The following TUBGCP3 variants were observed in gnomAD, a reference collection of about 807,000 sequenced individuals.
The protein encoded by TUBGCP3 is gamma-tubulin complex component 3.
TUBGCP3 carries 50 observed loss-of-function variants against 123.1 expected under a neutral mutation model. That is an observed-to-expected ratio of 0.41 (90% CI 0.32 to 0.51). The LOEUF is 0.51. Ranked by LOEUF, TUBGCP3 falls within the 20% of genes least tolerant of loss-of-function variation. The pLI is 0.36. For missense variants in TUBGCP3, 882 were observed against 1,127.0 expected (o/e 0.78, Z 3.11); for synonymous variants, 405 against 413.9 (o/e 0.98, Z 0.26).
At chr13:112,515,514 G>A (rs926297467) in intron 17 of TUBGCP3, among the ~76,000 whole-genome samples, 4 of 152,188 alleles carry the variant, frequency 2.6e-5, no homozygotes, top group African/African-American at 4.8e-5. Flanking sequence ...GACCCGCAGA[G>A]CCCCAGGCGT....
At chr13:112,513,751 G>GAA (rs1875835003) in intron 17 of TUBGCP3, among the ~76,000 whole-genome samples, 1 of 152,124 alleles carries the variant, frequency 6.6e-6, no homozygotes, top group South Asian at 2.1e-4. Flanking sequence ...TAAGAACACT[G>GAA]ACACCCCAAC....
intron 1 of TUBGCP3, among the ~76,000 whole-genome samples, chr13:112,580,598 T>C (rs1301670783): frequency 6.6e-6 from 1 of 152,232 alleles, no homozygotes; most frequent in Non-Finnish European, 1.5e-5. Context: ...AGACACATTA[T>C]TGCAAAATTT....
At chr13:112,546,686 A>C in intron 10 of TUBGCP3, 1 of 152,506 alleles carries the variant, frequency 6.6e-6, no homozygotes, top group Non-Finnish European at 1.5e-5. Context: ...AAGACAGTGA[A>C]GGACCCCAGG....
the TUBGCP3 span, among the ~76,000 whole-genome samples, chr13:112,596,317 CTTT>C: frequency 6.6e-6 from 1 of 152,238 alleles, no homozygotes; most frequent in Admixed American, 6.5e-5. Context: ...GCAGCAAATT[CTTT>C]TTGTTTTCCT....
intron 17 of TUBGCP3, 43 bp downstream of exon 17, chr13:112,516,397 C>T (rs1291768815): frequency 7.9e-6 from 12 of 1,520,150 alleles, no homozygotes; most frequent in African/African-American, 1.4e-5. Context: ...GGCTGGAGGC[C>T]GCTGGGAGTG....
Position 112,519,895 on chromosome 13 carries a change from C to T in TUBGCP3, c.1872G>A (p.Arg624=). The change falls in exon 15 of 22, where the codon CGG becomes CGA. Residue 624 remains arginine, a synonymous_variant. Coordinates refer to ENST00000261965, the MANE Select transcript of TUBGCP3 (RefSeq NM_006322.6). This position sits in a 1 kb window ranked among gnomAD's most constrained non-coding sequence, Gnocchi z 6.2. ...SPEILRRLDV[R]LLEVSPGDTG... is the part of the protein sequence containing the mutation. ...CGCAGAGCCGCAGTACCTCCAGCAG[C>T]CGCACGTCCAGCCTTCGCAGGATCT... 1 of 1,613,312 alleles carries T rather than the reference C, an allele frequency of 6.2e-7. No individual in the cohort carries two copies. The highest frequency in any genetic ancestry group is 1.7e-5 in the Admixed American group (1 of 59,942).
chr13:112,485,088 A>G lies in TUBGCP3; in HGVS notation c.*905T>C, dbSNP rs553307888. On this transcript the variant is annotated 3_prime_UTR_variant, in exon 22 of 22. Transcript: ENST00000261965. ...CAGATTTATGTGACCTGATAATGAC[A>G]TTTTTACAAAAAACAATCCCCCCCA... 3 of 152,714 alleles carry G rather than the reference A, an allele frequency of 2.0e-5. No homozygotes were observed. The highest frequency in any genetic ancestry group is 7.2e-5 in the African/African-American group (3 of 41,554). 9.5% of individuals were successfully genotyped at this position (152,714 alleles called of 1,614,324 possible).
chr13:112,516,353 T>C (rs2139047610), intron 17 of TUBGCP3, 87 bp downstream of exon 17: 3 of 1,384,516 alleles, frequency 2.2e-6, no homozygotes, highest in African/African-American at 2.9e-5. Flanking sequence ...CTACCTTAAC[T>C]TCTGCGGAGT....
chr13:112,512,034 T>C (rs1881703693), intron 17 of TUBGCP3, among the ~76,000 whole-genome samples: 1 of 152,246 alleles, frequency 6.6e-6, no homozygotes, highest in African/African-American at 2.4e-5. Context: ...TCATTACATT[T>C]TAGACAAGAA....
chr13:112,553,711 G>C (rs1047219114), intron 8 of TUBGCP3, among the ~76,000 whole-genome samples: 2 of 152,208 alleles, frequency 1.3e-5, no homozygotes. Context: ...CCCCGTCCCA[G>C]CAGGGCCCCT....
At chr13:112,551,196 T>C (rs1013387633) in intron 8 of TUBGCP3, among the ~76,000 whole-genome samples, 3 of 152,232 alleles carry the variant, frequency 2.0e-5, no homozygotes, top group Admixed American at 6.5e-5. Flanking sequence ...GTGAGTCAGC[T>C]TCTGAGAAGT....
At chr13:112,496,428 G>A (rs540784957) in intron 20 of TUBGCP3, among the ~76,000 whole-genome samples, 2 of 152,242 alleles carry the variant, frequency 1.3e-5, no homozygotes, top group Non-Finnish European at 2.9e-5. Context: ...GAGGCGACTT[G>A]CATGATCTCT....
intron 10 of TUBGCP3, chr13:112,547,396 T>C (rs1209162318): frequency 8.8e-6 from 6 of 683,160 alleles, no homozygotes; most frequent in African/African-American, 1.8e-5. Flanking sequence ...CATCTGTCGA[T>C]TCCTATCGAA....
Position 112,522,420 on chromosome 13 carries a change from G to T in TUBGCP3, c.1645C>A (p.Leu549Ile), listed in dbSNP as rs763339610. The T allele has an allele frequency of 5.6e-6, 9 of 1,614,106 alleles. No individual in the cohort carries two copies. The South Asian group carries it at 9.9e-5, about 18-fold the overall frequency. Residue 549 changes from leucine to isoleucine, a missense_variant, in exon 14 of 22, where the codon CTC (leucine) becomes ATC (isoleucine). Leu to Ile is a conservative substitution (Grantham distance 5, BLOSUM62 2). Transcript: ENST00000261965. The stretch of plus-strand genomic sequence containing the variant: ...TCCAGCAAGCTGTACTTTTTATTGA[G>T]AACATCCAACAGGTATTTGCTGGTC... ...FETSKYLLDV[L>I]NKKYSLLDHM...
At chr13:112,564,645 G>T (rs552934276) in intron 3 of TUBGCP3, among the ~76,000 whole-genome samples, 1 of 151,480 alleles carries the variant, frequency 6.6e-6, no homozygotes, top group African/African-American at 2.4e-5. Flanking sequence ...GCGAAGCTGC[G>T]TCTCAAAAGA....
At chr13:112,598,419 G>GA in the TUBGCP3 span, among the ~76,000 whole-genome samples, 1 of 151,360 alleles carries the variant, frequency 6.6e-6, no homozygotes, top group Non-Finnish European at 1.5e-5. Flanking sequence ...ATATTGATTA[G>GA]AAAAAACAAT....
Position 112,502,235 on chromosome 13 carries a change from A to AG in TUBGCP3, c.2307+1796dup, listed in dbSNP as rs146226189. Reference sequence around the variant, plus strand: ...ATGCCCTTTTAAAACAGAACACTGGAGTCAAAAGCTATGAAGTGAAACTCC... The same window carrying AG: ...ATGCCCTTTTAAAACAGAACACTGGAGGTCAAAAGCTATGAAGTGAAACTCC... On this transcript the variant is annotated intron_variant, in intron 19 of 21. Transcript: ENST00000261965. Among the ~76,000 whole-genome samples the AG allele has an allele frequency of 6.4e-3, 971 of 152,326 alleles. 4 individuals are homozygous for AG. Among genetic ancestry groups the AG allele is most frequent in the African/African-American group, 0.022 (928 of 41,568 alleles).
intron 20 of TUBGCP3, 48 bp from the exon 21 acceptor site, chr13:112,489,745 A>G: frequency 6.7e-7 from 1 of 1,499,740 alleles, no homozygotes; most frequent in South Asian, 1.1e-5. Context: ...GATGGAAAAC[A>G]GATTACAGAG....
chr13:112,503,990 G>A, intron 19 of TUBGCP3, 42 bp downstream of exon 19: 2 of 1,559,702 alleles, frequency 1.3e-6, no homozygotes, highest in Non-Finnish European at 1.7e-6. Flanking sequence ...AAAAGAAGAT[G>A]ATTCTTTTGG....
Sources: gnomAD v4.1 joint callset for allele counts (sites outside exome capture counted in the v4.1 genomes callset) on GRCh38, gnomAD v4.1.1 for gene constraint, Gnocchi (gnomAD v3.1) non-coding constraint, MANE v1.5 for transcripts, NCBI Gene and HGNC (gene_info 2026-07-23, HGNC 2026-07-21) for gene names.